Variants in FAM174B observed in about 807,000 individuals in gnomAD.
FAM174B encodes membrane protein FAM174B.
A neutral mutation model predicts 10.9 loss-of-function variants in FAM174B; 12 were observed. The ratio of observed to expected loss-of-function variants is 1.10; its 90% CI spans 0.71 to 1.79. The LOEUF (loss-of-function observed/expected upper bound fraction) is 1.79, where lower values mean the gene tolerates loss of function less well. Among genes scored for constraint, FAM174B ranks in the 40% most tolerant of loss-of-function variants. The probability of loss-of-function intolerance (pLI) is 0.00; values close to 1 mark genes in which losing one functional copy is unlikely to be tolerated. For missense variants in FAM174B, 266 were observed against 233.3 expected (o/e 1.14, Z -0.91); for synonymous variants, 132 against 115.8 (o/e 1.14, Z -0.90).
chr15:92,631,655 C>T (rs1306553532), intron 1 of FAM174B, among the ~76,000 whole-genome samples: 3 of 147,626 alleles, frequency 2.0e-5, no homozygotes, highest in East Asian at 2.0e-4. Flanking sequence ...CCACCACACC[C>T]GGCTAATTTT....
At chr15:92,635,849 G>A (rs567383875) in intron 1 of FAM174B, among the ~76,000 whole-genome samples, 1 of 152,202 alleles carries the variant, frequency 6.6e-6, no homozygotes, top group South Asian at 2.1e-4. Context: ...CCAAAGTGCT[G>A]GGATTACAGG....
intron 1 of FAM174B, 53 bp downstream of exon 1, chr15:92,655,263 G>A: frequency 6.8e-7 from 1 of 1,473,274 alleles, no homozygotes; most frequent in Non-Finnish European, 9.0e-7. Context: ...ACAGCAGGTT[G>A]GCGATGCCGC....
At chr15:92,621,665 C>A (rs2050720353) in intron 2 of FAM174B, among the ~76,000 whole-genome samples, 1 of 151,668 alleles carries the variant, frequency 6.6e-6, no homozygotes, top group Non-Finnish European at 1.5e-5. Flanking sequence ...CCCTACTCAA[C>A]AGACTAGAGA....
intron 1 of FAM174B, among the ~76,000 whole-genome samples, chr15:92,650,309 C>A (rs2050957456): frequency 6.6e-6 from 1 of 152,200 alleles, no homozygotes; most frequent in South Asian, 2.1e-4. Context: ...CAGGGCATAG[C>A]AGTGTGCACC....
Position 92,655,458 on chromosome 15 carries a change from AGCTG to A in FAM174B, c.198_201del (p.Ser67ProfsTer11). The A allele has an allele frequency of 2.7e-5, 17 of 630,640 alleles. No homozygotes were observed. Among genetic ancestry groups the A allele is most frequent in the Non-Finnish European group, 4.2e-5 (17 of 404,636 alleles). The allele number at this position is 630,640 out of a possible 1,614,324, so 39.1% of individuals were successfully genotyped here. A position where few individuals can be genotyped will look rare whatever the true frequency, so the allele number is the denominator to read the frequency against. On this transcript the variant is annotated frameshift_variant, in exon 1 of 3. Transcript: ENST00000327355. LOFTEE classifies it high-confidence loss of function. ...GCGTCGCCACTGCTGTTGGAGCTGGAGCTGCCGCTGCCGCCCGCCGCCCCAGACC... is the reference window on the plus strand; with the variant it reads ...GCGTCGCCACTGCTGTTGGAGCTGGACCGCTGCCGCCCGCCGCCCCAGACC...
intron 2 of FAM174B, among the ~76,000 whole-genome samples, chr15:92,628,134 T>C (rs190055850): frequency 1.2e-4 from 18 of 152,098 alleles, no homozygotes; most frequent in Admixed American, 7.9e-4. Flanking sequence ...CTTTTGGATT[T>C]GTATTATTTT....
chr15:92,653,571 T>C (rs1279736337), intron 1 of FAM174B, among the ~76,000 whole-genome samples: 2 of 152,230 alleles, frequency 1.3e-5, no homozygotes, highest in Non-Finnish European at 2.9e-5. Context: ...GAAGATGAAC[T>C]GGACTTCCCA....
chr15:92,650,786 A>G (rs1207184797), intron 1 of FAM174B, among the ~76,000 whole-genome samples: 1 of 152,194 alleles, frequency 6.6e-6, no homozygotes, highest in Non-Finnish European at 1.5e-5. Flanking sequence ...TCTACTTCCT[A>G]GAGACAGCCT....
intron 1 of FAM174B, among the ~76,000 whole-genome samples, chr15:92,638,229 G>C (rs2050868298): frequency 6.6e-6 from 1 of 152,226 alleles, no homozygotes; most frequent in South Asian, 2.1e-4. Context: ...GGCAAGGCCA[G>C]ATAATTTCTA....
At chr15:92,635,047 T>C (rs285756) in intron 1 of FAM174B, among the ~76,000 whole-genome samples, 147,183 of 151,916 alleles carry the variant, frequency 0.97, 71,435 homozygotes, top group East Asian at 1. Context: ...ATGGCAGATC[T>C]TGGGACCTGT....
chr15:92,631,401 T>A (rs1405244697), intron 1 of FAM174B, among the ~76,000 whole-genome samples: 1 of 36,210 alleles, frequency 2.8e-5, no homozygotes, highest in Admixed American at 4.6e-4. Flanking sequence ...TATATTATAT[T>A]ATATTATATA....
chr15:92,639,664 C>A (rs896970423), intron 1 of FAM174B, among the ~76,000 whole-genome samples: 4 of 152,112 alleles, frequency 2.6e-5, no homozygotes, highest in African/African-American at 9.7e-5. Context: ...CCTTCATGAA[C>A]GGTTTGGCAC....
chr15:92,619,687 C>A lies in FAM174B; in HGVS notation c.477-228G>T, dbSNP rs1191709302. 4 of 598,040 alleles carry A rather than the reference C, an allele frequency of 6.7e-6. No individual in the cohort carries two copies. In the East Asian group the frequency reaches 1.1e-4, roughly 17 times the overall value. The allele number at this position is 598,040 out of a possible 1,614,324, so 37.0% of individuals were successfully genotyped here. A position where few individuals can be genotyped will look rare whatever the true frequency, so the allele number is the denominator to read the frequency against. On this transcript the variant is annotated intron_variant, in intron 2 of 2. Transcript: ENST00000327355. ...AGGATCCCTCCCCCAGCTCCCCACA[C>A]AGACTCCCTAGAACACAACCTCTTT...
At position 92,617,762 on chromosome 15, in the gene FAM174B, C is replaced by T. The variant is rs574193418; in HGVS notation, c.*1694G>A. 2 of 568,824 alleles carry T rather than the reference C, an allele frequency of 3.5e-6. No homozygotes were observed. The highest frequency in any genetic ancestry group is 3.3e-5 in the East Asian group (1 of 30,428). The allele number at this position is 568,824 out of a possible 1,614,324, so 35.2% of individuals were successfully genotyped here. ...GTGGAGAGGAGAGATAAAGCAGCCA[C>T]GGCTGTTCTGTTGCCAGTCCCACCC... On this transcript the variant is annotated 3_prime_UTR_variant, in exon 3 of 3. Coordinates refer to ENST00000327355, the MANE Select transcript of FAM174B (RefSeq NM_207446.3).
At position 92,655,512 on chromosome 15, in the gene FAM174B, C is replaced by G. The variant is rs1193140143; in HGVS notation, c.148G>C (p.Gly50Arg). 7 of 1,501,278 alleles carry G rather than the reference C, an allele frequency of 4.7e-6. No individual in the cohort carries two copies. The highest frequency in any genetic ancestry group is 6.2e-6 in the Non-Finnish European group (7 of 1,125,776). 93.0% of individuals were successfully genotyped at this position (1,501,278 alleles called of 1,614,324 possible). ...ERESRPPPGP[G>R]PGNTTRFGSG... Reference sequence around the variant, plus strand: ...CCAAACCGGGTGGTGTTCCCGGGCCCCGGGCCGGGCGGTGGCCGCGACTCG... The same window carrying G: ...CCAAACCGGGTGGTGTTCCCGGGCCGCGGGCCGGGCGGTGGCCGCGACTCG... Residue 50 changes from glycine to arginine, a missense_variant, in exon 1 of 3, where the codon GGG becomes CGG. By Grantham distance (125) the Gly-to-Arg change is moderately radical. Coordinates refer to ENST00000327355, the MANE Select transcript of FAM174B (RefSeq NM_207446.3).
chr15:92,619,036 G>GCA lies in FAM174B; in HGVS notation c.*419_*420insTG. 2.0e-6 allele frequency: 1 copy of GCA among 495,122 alleles called. No homozygotes were observed. The allele number at this position is 495,122 out of a possible 1,614,324, so 30.7% of individuals were successfully genotyped here. The stretch of plus-strand genomic sequence containing the variant: ...TGTAGATCCAGTAGAGAAGAATGTC[G>GCA]GAAATTCTAAATACACAGTTGGACA... On this transcript the variant is annotated 3_prime_UTR_variant, in exon 3 of 3. Coordinates refer to ENST00000327355, the MANE Select transcript of FAM174B (RefSeq NM_207446.3).
chr15:92,626,904 G>T (rs2050756727), intron 2 of FAM174B, among the ~76,000 whole-genome samples: 1 of 151,918 alleles, frequency 6.6e-6, no homozygotes, highest in Non-Finnish European at 1.5e-5. Flanking sequence ...TACAAAAAAT[G>T]AGCTGGGCAT....
chr15:92,646,019 C>T (rs1458014825), intron 1 of FAM174B, among the ~76,000 whole-genome samples: 2 of 151,686 alleles, frequency 1.3e-5, no homozygotes, highest in Non-Finnish European at 2.9e-5. Flanking sequence ...ACCCCCTTCA[C>T]AATGCCCCCC....
Position 92,654,636 on chromosome 15 carries a change from G to C in FAM174B, c.344+680C>G, listed in dbSNP as rs192672671. ...AGGCAGGAGCCTAGGAAAGCCGTCT[G>C]TGTCCCCCACCAACAGAAAATAAGG... On this transcript the variant is annotated intron_variant, in intron 1 of 2. Coordinates refer to ENST00000327355, the MANE Select transcript of FAM174B (RefSeq NM_207446.3). Among the ~76,000 whole-genome samples, 155 of 152,264 alleles carry C rather than the reference G, an allele frequency of 1.0e-3. 1 individual carries two copies. Among genetic ancestry groups the C allele is most frequent in the African/African-American group, 1.7e-3 (72 of 41,550 alleles).
Sources: gnomAD v4.1 joint callset for allele counts (sites outside exome capture counted in the v4.1 genomes callset) on GRCh38, gnomAD v4.1.1 for gene constraint, MANE v1.5 for transcripts, NCBI Gene and HGNC (gene_info 2026-07-23, HGNC 2026-07-21) for gene names.